The following C8orf34 variants were observed in gnomAD, a reference collection of about 807,000 sequenced individuals.
The protein encoded by C8orf34 is uncharacterized protein C8orf34.
In C8orf34, 65 loss-of-function variants were observed where a neutral mutation model predicts 68.3. The ratio of observed to expected loss-of-function variants is 0.95; its 90% CI spans 0.78 to 1.17. The LOEUF (loss-of-function observed/expected upper bound fraction) is 1.17. C8orf34 is among the 50% of genes most tolerant of loss of function. The probability of loss-of-function intolerance (pLI) is 0.00; values close to 1 mark genes in which losing one functional copy is unlikely to be tolerated. For synonymous variants in C8orf34, 244 were observed against 241.2 expected, an observed-to-expected ratio of 1.01 and a Z score of -0.11; for missense variants, 664 against 655.4, an observed-to-expected ratio of 1.01 and a Z score of -0.14.
chr8:68,458,935 A>T (rs752907401), intron 3 of C8orf34, among the ~76,000 whole-genome samples: 2 of 152,160 alleles, frequency 1.3e-5, no homozygotes, highest in Non-Finnish European at 2.9e-5. Context: ...TATTTTGACA[A>T]TGTAAAATAT....
intron 7 of C8orf34, among the ~76,000 whole-genome samples, chr8:68,633,263 C>T (rs1818743628): frequency 6.6e-6 from 1 of 152,158 alleles, no homozygotes. Flanking sequence ...TTTCTAGCCT[C>T]TCCAATAGAG....
chr8:68,511,645 G>T (rs566956606), intron 5 of C8orf34, among the ~76,000 whole-genome samples: 1 of 152,316 alleles, frequency 6.6e-6, no homozygotes, highest in East Asian at 1.9e-4. Context: ...CAGAAAATAA[G>T]AGGGCTGAAC....
intron 7 of C8orf34, chr8:68,535,970 C>T (rs1329332336): frequency 1.9e-5 from 13 of 670,456 alleles, no homozygotes; most frequent in Middle Eastern, 7.2e-4. Context: ...TTTTAGTAAT[C>T]GTTCTGGCAA....
intron 10 of C8orf34, among the ~76,000 whole-genome samples, chr8:68,775,730 ATAACAT>A (rs1329453344): frequency 3.3e-5 from 5 of 152,226 alleles, no homozygotes; most frequent in Non-Finnish European, 5.9e-5. Flanking sequence ...GACTATATTT[ATAACAT>A]TAACAACAGA....
chr8:68,757,624 AAAATAAATAAAT>A lies in C8orf34; in HGVS notation c.1405-18759_1405-18748del, dbSNP rs150094375. On this transcript the variant is annotated intron_variant, in intron 10 of 13. Coordinates refer to ENST00000518698, the MANE Select transcript of C8orf34 (RefSeq NM_052958.4). ...CAATAGAGTGAGACTCCGTCTCAAAAAAATAAATAAATAAATAAATAAATAAAGCACAAAAAT... is the reference window on the plus strand; with the variant it reads ...CAATAGAGTGAGACTCCGTCTCAAAAAAATAAATAAATAAAGCACAAAAAT... 4.6e-5 allele frequency among the ~76,000 whole-genome samples: 7 copies of A among 151,942 alleles called. No individual in the cohort carries two copies. The South Asian group carries it at 1.0e-3, about 23-fold the overall frequency.
chr8:68,772,852 T>C, intron 10 of C8orf34, among the ~76,000 whole-genome samples: 1 of 150,426 alleles, frequency 6.6e-6, no homozygotes, highest in Non-Finnish European at 1.5e-5. Context: ...TCTCTCTTTC[T>C]CTCCTTCCTT....
At chr8:68,628,057 C>T (rs1818588047) in intron 7 of C8orf34, among the ~76,000 whole-genome samples, 2 of 151,992 alleles carry the variant, frequency 1.3e-5, no homozygotes, top group South Asian at 4.2e-4. Flanking sequence ...CTCATGTGGT[C>T]AAGAAGAGTA....
At chr8:68,534,361 T>G in intron 7 of C8orf34, 1 of 978,416 alleles carries the variant, frequency 1.0e-6, no homozygotes, top group Non-Finnish European at 1.2e-6. Context: ...TCAACAAACA[T>G]TTACTGAGCA....
chr8:68,361,458 G>A (rs986632749), intron 1 of C8orf34, among the ~76,000 whole-genome samples: 1 of 152,156 alleles, frequency 6.6e-6, no homozygotes, highest in Non-Finnish European at 1.5e-5. Context: ...CCTGGCAGCT[G>A]GCACAATGAG....
chr8:68,681,505 C>A (rs541844166), intron 8 of C8orf34, among the ~76,000 whole-genome samples: 2 of 152,166 alleles, frequency 1.3e-5, no homozygotes, highest in South Asian at 4.1e-4. Context: ...CCCAAAGATA[C>A]CAGCAACAGA....
chr8:68,481,538 C>A (rs1356523884), intron 4 of C8orf34, among the ~76,000 whole-genome samples: 1 of 152,206 alleles, frequency 6.6e-6, no homozygotes, highest in East Asian at 1.9e-4. Context: ...CAGCCCATGG[C>A]AGCAGCCAGG....
chr8:68,514,036 C>G (rs1407128409), intron 5 of C8orf34, among the ~76,000 whole-genome samples: 1 of 152,170 alleles, frequency 6.6e-6, no homozygotes, highest in African/African-American at 2.4e-5. Context: ...TGTTGCAGGA[C>G]TTTTCCTTAG....
At chr8:68,750,495 C>A (rs1160688164) in intron 10 of C8orf34, among the ~76,000 whole-genome samples, 2 of 151,992 alleles carry the variant, frequency 1.3e-5, no homozygotes, top group Non-Finnish European at 2.9e-5. Context: ...TTGAGGTTTT[C>A]TTTTGGGGTG....
chr8:68,378,748 G>A (rs868524305), intron 1 of C8orf34, among the ~76,000 whole-genome samples: 17 of 152,308 alleles, frequency 1.1e-4, no homozygotes, highest in Middle Eastern at 6.8e-3. Context: ...ATTTAAGCTA[G>A]TTAGAATTGA....
intron 7 of C8orf34, among the ~76,000 whole-genome samples, chr8:68,572,012 G>A (rs1338590868): frequency 6.6e-6 from 1 of 152,096 alleles, no homozygotes; most frequent in East Asian, 1.9e-4. Context: ...AGGCTATAAG[G>A]TGTAGCTTAT....
intron 7 of C8orf34, among the ~76,000 whole-genome samples, chr8:68,537,155 C>T (rs1043221774): frequency 2.0e-5 from 3 of 151,928 alleles, no homozygotes; most frequent in Admixed American, 2.0e-4. Flanking sequence ...AAGCATTTTG[C>T]CTAATGAGAA....
intron 7 of C8orf34, among the ~76,000 whole-genome samples, chr8:68,630,517 T>C (rs1043155244): frequency 1.3e-5 from 2 of 152,138 alleles, no homozygotes; most frequent in Non-Finnish European, 2.9e-5. Flanking sequence ...ATATACACTA[T>C]ATCCATGATA....
chr8:68,729,553 C>G (rs1821924070), intron 10 of C8orf34, among the ~76,000 whole-genome samples: 1 of 152,154 alleles, frequency 6.6e-6, no homozygotes, highest in Admixed American at 6.5e-5. Flanking sequence ...AGATCTTTAC[C>G]TCTTCTGTTG....
At chr8:68,461,813 A>AC (rs1811843434) in intron 3 of C8orf34, among the ~76,000 whole-genome samples, 1 of 152,200 alleles carries the variant, frequency 6.6e-6, no homozygotes, top group Non-Finnish European at 1.5e-5. Context: ...GAAAGGAACA[A>AC]CCAGTACCAG....
Sources: gnomAD v4.1 joint callset for allele counts (sites outside exome capture counted in the v4.1 genomes callset) on GRCh38, gnomAD v4.1.1 for gene constraint, MANE v1.5 for transcripts, NCBI Gene and HGNC (gene_info 2026-07-23, HGNC 2026-07-21) for gene names.